The following ASIC2 variants were observed in gnomAD, a reference collection of about 807,000 sequenced individuals.
ASIC2 encodes acid-sensing ion channel 2.
ASIC2 carries 25 observed loss-of-function variants against 57.3 expected under a neutral mutation model. The ratio of observed to expected loss-of-function variants is 0.44; its 90% CI spans 0.32 to 0.61. ASIC2 has a LOEUF of 0.61. ASIC2 is among the 20% of genes least tolerant of loss of function. ASIC2 has a pLI of 0.06. For synonymous variants in ASIC2, 319 were observed against 307.5 expected (o/e 1.04, Z -0.39); for missense variants, 641 against 738.1 (o/e 0.87, Z 1.52).
intron 1 of ASIC2, among the ~76,000 whole-genome samples, chr17:33,938,261 C>T (rs1407602204): frequency 6.6e-6 from 1 of 152,132 alleles, no homozygotes; most frequent in Non-Finnish European, 1.5e-5. Context: ...ACCAGAGCCC[C>T]TGATTTCTTC....
intron 1 of ASIC2, among the ~76,000 whole-genome samples, chr17:34,087,787 A>G (rs1024328446): frequency 2.6e-5 from 4 of 151,208 alleles, no homozygotes; most frequent in Non-Finnish European, 4.4e-5. Context: ...CATTTCATTC[A>G]TTTCATCTTC....
intron 1 of ASIC2, among the ~76,000 whole-genome samples, chr17:33,882,048 G>C (rs925329324): frequency 5.9e-5 from 9 of 152,168 alleles, no homozygotes; most frequent in Non-Finnish European, 1.2e-4. Flanking sequence ...GGGAAAACTG[G>C]CTAGCCATAT....
chr17:33,433,934 T>TG (rs1254167569), intron 1 of ASIC2, among the ~76,000 whole-genome samples: 7 of 87,872 alleles, frequency 8.0e-5, no homozygotes, highest in African/African-American at 3.2e-4. Flanking sequence ...CTACATGAGG[T>TG]GGGGGTGGGG....
intron 3 of ASIC2, among the ~76,000 whole-genome samples, chr17:33,080,435 A>G (rs1451863422): frequency 6.6e-6 from 1 of 152,158 alleles, no homozygotes; most frequent in Non-Finnish European, 1.5e-5. Flanking sequence ...AGAATCAGGG[A>G]TAAGCGAGTA....
intron 1 of ASIC2, among the ~76,000 whole-genome samples, chr17:33,827,337 C>CTTGTTTTTTTTTTTTT (rs1912954396): frequency 1.3e-5 from 1 of 76,536 alleles, no homozygotes; most frequent in Non-Finnish European, 2.6e-5. Context: ...GCAGCTCACT[C>CTTGTTTTTTTTTTTTT]TTTTTTTTTT....
At chr17:34,009,080 T>C (rs1175789310) in intron 1 of ASIC2, among the ~76,000 whole-genome samples, 1 of 152,188 alleles carries the variant, frequency 6.6e-6, no homozygotes, top group Non-Finnish European at 1.5e-5. Context: ...GTCCACCTTT[T>C]TTTTTTTCCC....
At chr17:34,101,139 C>T (rs1290897737) in intron 1 of ASIC2, among the ~76,000 whole-genome samples, 3 of 152,172 alleles carry the variant, frequency 2.0e-5, no homozygotes, top group Non-Finnish European at 4.4e-5. Context: ...CCTAAATGTT[C>T]CCCCGCCCAG....
intron 1 of ASIC2, among the ~76,000 whole-genome samples, chr17:33,356,932 A>G (rs1259880028): frequency 7.0e-5 from 2 of 28,596 alleles, no homozygotes; most frequent in African/African-American, 2.7e-4. Context: ...GGGAGGAAGG[A>G]AGCGGGACTT....
chr17:33,863,654 A>G (rs1389343633), intron 1 of ASIC2, among the ~76,000 whole-genome samples: 1 of 152,200 alleles, frequency 6.6e-6, no homozygotes, highest in African/African-American at 2.4e-5. Context: ...TTTTTAAATT[A>G]TCCTATAGTC....
intron 1 of ASIC2, among the ~76,000 whole-genome samples, chr17:33,541,666 G>A (rs774600737): frequency 3.3e-5 from 5 of 152,134 alleles, no homozygotes; most frequent in Non-Finnish European, 7.3e-5. Flanking sequence ...GAGATTTCTG[G>A]CTCCCCAGAA....
chr17:34,005,208 C>A (rs1180093401), intron 1 of ASIC2: 1 of 151,068 alleles, frequency 6.6e-6, no homozygotes, highest in Non-Finnish European at 1.5e-5. Flanking sequence ...TCCCTTTTTA[C>A]TCCTGTAAGG....
At chr17:33,511,942 A>C (rs1224068205) in intron 1 of ASIC2, among the ~76,000 whole-genome samples, 1 of 152,164 alleles carries the variant, frequency 6.6e-6, no homozygotes, top group Admixed American at 6.5e-5. Context: ...AATGCAAACC[A>C]CAGAGGTCAA....
chr17:34,083,522 C>A (rs980437527), intron 1 of ASIC2, among the ~76,000 whole-genome samples: 14 of 151,844 alleles, frequency 9.2e-5, no homozygotes, highest in African/African-American at 2.9e-4. Flanking sequence ...ATTTATAGTC[C>A]TTTGGGTATA....
At chr17:33,412,765 C>T (rs771533264) in intron 1 of ASIC2, among the ~76,000 whole-genome samples, 8 of 152,070 alleles carry the variant, frequency 5.3e-5, no homozygotes, top group Admixed American at 1.3e-4. Flanking sequence ...GTGGGAGAGA[C>T]GTTGGTGCCC....
intron 1 of ASIC2, among the ~76,000 whole-genome samples, chr17:33,491,405 C>T (rs1208614196): frequency 6.6e-6 from 1 of 152,216 alleles, no homozygotes; most frequent in Non-Finnish European, 1.5e-5. Context: ...TTCATTTCCG[C>T]ATTTCCTACA....
intron 1 of ASIC2, among the ~76,000 whole-genome samples, chr17:33,802,985 T>A (rs1331445704): frequency 1.3e-5 from 2 of 152,220 alleles, no homozygotes; most frequent in Admixed American, 1.3e-4. Flanking sequence ...GTAAGAGATC[T>A]TGAGTGTAAG....
At chr17:33,827,698 A>T (rs758526847) in intron 1 of ASIC2, 20 of 150,324 alleles carry the variant, frequency 1.3e-4, no homozygotes, top group Non-Finnish European at 2.5e-4. Flanking sequence ...TTACTACAGT[A>T]TTTTTTTTTC....
At chr17:33,211,444 G>A (rs1264174777) in intron 1 of ASIC2, among the ~76,000 whole-genome samples, 1 of 151,750 alleles carries the variant, frequency 6.6e-6, no homozygotes, top group Non-Finnish European at 1.5e-5. Flanking sequence ...AGGTATTGGG[G>A]GACATCACCA....
chr17:33,026,018 C>G (rs556041905), intron 4 of ASIC2, 36 bp from the exon 5 acceptor site: 68 of 1,606,806 alleles, frequency 4.2e-5, no homozygotes, highest in Admixed American at 6.7e-5. Context: ...GTTACTCAGG[C>G]AGGAACATTC....
Sources: gnomAD v4.1 joint callset for allele counts (sites outside exome capture counted in the v4.1 genomes callset) on GRCh38, gnomAD v4.1.1 for gene constraint, MANE v1.5 for transcripts, NCBI Gene and HGNC (gene_info 2026-07-23, HGNC 2026-07-21) for gene names.